The following SCAPER variants were observed in gnomAD, a reference collection of about 807,000 sequenced individuals.
SCAPER encodes the protein S-phase cyclin A associated protein in the ER, also known as S phase cyclin A-associated protein in the endoplasmic reticulum.
Under a neutral mutation model 182.2 loss-of-function variants are expected in SCAPER, and 98 were observed. The ratio of observed to expected loss-of-function variants is 0.54; its 90% CI spans 0.46 to 0.64. The LOEUF is 0.64. Among genes scored for constraint, SCAPER ranks in the 30% least tolerant of loss-of-function variants. The pLI is 0.00. For synonymous variants in SCAPER, 605 were observed against 564.6 expected (o/e 1.07, Z -1.01); for missense variants, 1,432 against 1,690.0 (o/e 0.85, Z 2.68).
At chr15:76,835,575 C>T (rs2068858020) in intron 5 of SCAPER, among the ~76,000 whole-genome samples, 1 of 152,190 alleles carries the variant, frequency 6.6e-6, no homozygotes, top group Non-Finnish European at 1.5e-5. Context: ...ATGACACTCT[C>T]ATAGCTAACA....
intron 22 of SCAPER, among the ~76,000 whole-genome samples, chr15:76,581,699 G>A (rs1055493541): frequency 3.3e-5 from 5 of 152,130 alleles, no homozygotes; most frequent in African/African-American, 1.2e-4. Flanking sequence ...CCATTCTTGT[G>A]CCTCACCTCC....
intron 2 of SCAPER, among the ~76,000 whole-genome samples, chr15:76,883,132 A>G (rs76525905): frequency 6.6e-6 from 1 of 152,336 alleles, no homozygotes; most frequent in African/African-American, 2.4e-5. Flanking sequence ...CCCAGGCCAG[A>G]CAATAAGAGA....
intron 17 of SCAPER, among the ~76,000 whole-genome samples, chr15:76,709,072 A>G (rs1259310305): frequency 6.6e-6 from 1 of 152,186 alleles, no homozygotes; most frequent in Non-Finnish European, 1.5e-5. Context: ...AAAAGAGTGA[A>G]GGAGAGATAT....
intron 15 of SCAPER, among the ~76,000 whole-genome samples, chr15:76,749,753 T>A (rs371215642): frequency 6.6e-6 from 1 of 152,062 alleles, no homozygotes; most frequent in Non-Finnish European, 1.5e-5. Flanking sequence ...ATATGTCATG[T>A]TCATGGAAAG....
In SCAPER at chr15:76,434,323, A is replaced by G. The variant is rs757909614; in HGVS notation, c.3079-13T>C. 6 of 1,568,140 alleles carry G rather than the reference A, an allele frequency of 3.8e-6. No homozygotes were observed. The East Asian group carries it at 1.1e-4, about 29-fold the overall frequency. ...CTGGAACATAAACCTAGATGAAAAA[A>G]AAGTACAGTAAATATGTTTCAATAA... On this transcript the variant is annotated splice_polypyrimidine_tract_variant and intron_variant, in intron 25 of 31. Transcript: ENST00000563290.
chr15:76,407,503 T>C (rs974073086), intron 26 of SCAPER, among the ~76,000 whole-genome samples: 3 of 152,242 alleles, frequency 2.0e-5, no homozygotes, highest in Non-Finnish European at 4.4e-5. Flanking sequence ...TTACGTTGTT[T>C]CAAGCTAAGG....
intron 23 of SCAPER, 131 bp downstream of exon 23, chr15:76,574,027 T>C (rs555126507): frequency 9.6e-6 from 8 of 830,820 alleles, no homozygotes; most frequent in African/African-American, 3.6e-5. Flanking sequence ...AAAAAATTCA[T>C]CTATTATTGA....
At chr15:76,663,115 CA>C (rs2056323362) in intron 21 of SCAPER, among the ~76,000 whole-genome samples, 3 of 152,090 alleles carry the variant, frequency 2.0e-5, no homozygotes, top group African/African-American at 7.2e-5. Flanking sequence ...AATGACAGCC[CA>C]TTTTTTTAAA....
At chr15:76,752,430 C>T (rs1449967894) in intron 15 of SCAPER, among the ~76,000 whole-genome samples, 1 of 151,672 alleles carries the variant, frequency 6.6e-6, no homozygotes, top group Non-Finnish European at 1.5e-5. Flanking sequence ...ATTTGTACAC[C>T]CATATTTACA....
intron 4 of SCAPER, 103 bp downstream of exon 4, chr15:76,857,706 A>G (rs1462994492): frequency 9.1e-6 from 7 of 765,332 alleles, no homozygotes; most frequent in South Asian, 8.8e-5. Context: ...TTTTATTTAG[A>G]TAAATAATAT....
chr15:76,643,248 C>T (rs1023883976), intron 21 of SCAPER, among the ~76,000 whole-genome samples: 2 of 152,184 alleles, frequency 1.3e-5, no homozygotes, highest in Admixed American at 1.3e-4. Flanking sequence ...CATGCCTGTG[C>T]CAAACATTTT....
intron 2 of SCAPER, among the ~76,000 whole-genome samples, chr15:76,865,404 G>A (rs2072200829): frequency 6.6e-6 from 1 of 152,026 alleles, no homozygotes. Flanking sequence ...GTAACTTATT[G>A]CCTATTTAGT....
At chr15:76,426,074 G>A (rs1567114543) in intron 26 of SCAPER, among the ~76,000 whole-genome samples, 1 of 152,196 alleles carries the variant, frequency 6.6e-6, no homozygotes, top group Non-Finnish European at 1.5e-5. Flanking sequence ...ACCCACTTGA[G>A]GGGGCAGTCT....
At chr15:76,533,706 T>C (rs766011033) in intron 23 of SCAPER, among the ~76,000 whole-genome samples, 2 of 152,058 alleles carry the variant, frequency 1.3e-5, no homozygotes, top group Non-Finnish European at 2.9e-5. Flanking sequence ...CAGTAAATAA[T>C]TGAGTAAATG....
At chr15:76,859,709 T>C (rs562942959) in intron 3 of SCAPER, among the ~76,000 whole-genome samples, 1 of 152,278 alleles carries the variant, frequency 6.6e-6, no homozygotes, top group African/African-American at 2.4e-5. Flanking sequence ...TATCTGTGCT[T>C]ACAGTTTTTT....
intron 20 of SCAPER, among the ~76,000 whole-genome samples, chr15:76,701,314 TATAC>T (rs1276662109): frequency 1.3e-5 from 2 of 152,176 alleles, no homozygotes; most frequent in African/African-American, 4.8e-5. Context: ...AAAATATTCA[TATAC>T]ATATTTATAC....
chr15:76,590,114 T>C (rs954913291), intron 22 of SCAPER, among the ~76,000 whole-genome samples: 8 of 152,184 alleles, frequency 5.3e-5, no homozygotes, highest in African/African-American at 1.7e-4. Context: ...ATTCCTGCAG[T>C]AGTTCTTGGA....
At chr15:76,643,399 T>C (rs1390480232) in intron 21 of SCAPER, among the ~76,000 whole-genome samples, 1 of 152,172 alleles carries the variant, frequency 6.6e-6, no homozygotes, top group Non-Finnish European at 1.5e-5. Flanking sequence ...GTCATCATTC[T>C]GGCCAGGCAT....
rs960919298 is a variant in SCAPER at position 76,404,544 on chromosome 15, C to T, written c.3447G>A (p.Leu1149=). The change falls in exon 27 of 32, where the codon CTG becomes CTA. Residue 1149 remains leucine (L), a synonymous_variant. Transcript: ENST00000563290. ...CTTACCTTCCAGTGACAGCAAAGCA[C>T]AGTGTACACATTGCATGTAAGAGTC... ...AAGLLHAMCT[L]CFAVTGRSYS... The T allele has an allele frequency of 1.2e-5, 20 of 1,610,424 alleles. No homozygotes were observed. The highest frequency in any genetic ancestry group is 1.7e-5 in the Non-Finnish European group (20 of 1,178,046).
Sources: gnomAD v4.1 joint callset for allele counts (sites outside exome capture counted in the v4.1 genomes callset) on GRCh38, gnomAD v4.1.1 for gene constraint, MANE v1.5 for transcripts, NCBI Gene and HGNC (gene_info 2026-07-23, HGNC 2026-07-21) for gene names.